NR2C2: variants seen among roughly 807,000 people sequenced by gnomAD.
NR2C2 encodes Nuclear hormone receptor TR4.
Under a neutral mutation model 62.9 loss-of-function variants are expected in NR2C2, and 6 were observed. The observed-to-expected ratio is 0.10, with a 90% CI of 0.05 to 0.19. The LOEUF (loss-of-function observed/expected upper bound fraction) is 0.19, where lower values mean the gene tolerates loss of function less well. Among genes scored for constraint, NR2C2 ranks in the 10% least tolerant of loss-of-function variants. The pLI, the probability that NR2C2 is intolerant of heterozygous loss-of-function variation, is 1.00. For synonymous variants in NR2C2, 272 were observed against 273.8 expected (o/e 0.99, Z 0.07); for missense variants, 479 against 762.7 (o/e 0.63, Z 4.38).
At chr3:15,034,923 G>A in intron 11 of NR2C2, 114 bp downstream of exon 11, 6 of 1,123,476 alleles carry the variant, frequency 5.3e-6, no homozygotes, top group Non-Finnish European at 6.2e-6. Flanking sequence ...GTTGACCCAG[G>A]CTGGCAACAT....
At chr3:15,005,608 A>G (rs903375521) in intron 2 of NR2C2, among the ~76,000 whole-genome samples, 1 of 148,506 alleles carries the variant, frequency 6.7e-6, no homozygotes, top group Non-Finnish European at 1.5e-5. Context: ...ATAGGGCACT[A>G]CAACCTCAAA....
chr3:15,001,411 T>C (rs1484616217), intron 1 of NR2C2, among the ~76,000 whole-genome samples: 3 of 144,380 alleles, frequency 2.1e-5, no homozygotes, highest in African/African-American at 7.6e-5. Context: ...CTTGGCTCAC[T>C]GCAACCTCCG....
intron 1 of NR2C2, among the ~76,000 whole-genome samples, chr3:14,981,307 A>G (rs1298718593): frequency 6.6e-6 from 1 of 152,084 alleles, no homozygotes; most frequent in Admixed American, 6.5e-5. Context: ...TCTCTATGAA[A>G]ATATTAAAAA....
chr3:14,948,308 A>C (rs1025587368), intron 1 of NR2C2: 2 of 150,940 alleles, frequency 1.3e-5, no homozygotes, highest in Non-Finnish European at 1.5e-5. Flanking sequence ...CGGGATTTTC[A>C]CCCCTCCGCT....
intron 1 of NR2C2, among the ~76,000 whole-genome samples, chr3:14,990,632 C>T (rs2040643482): frequency 6.6e-6 from 1 of 152,142 alleles, no homozygotes; most frequent in Non-Finnish European, 1.5e-5. Flanking sequence ...TCTCTTTGGC[C>T]TGGGAGGTTG....
Position 15,037,976 on chromosome 3 carries a change from AG to A in NR2C2, c.1373-22del, listed in dbSNP as rs764955768. 12 of 1,604,350 alleles carry A rather than the reference AG, an allele frequency of 7.5e-6. No homozygotes were observed. In the East Asian group the frequency reaches 2.2e-4, roughly 30 times the overall value. ...TTTATTGTTCTTACCAGCCTTTCTC[AG>A]GATCTGTGATGTTGGTTTCTAGATA... On this transcript the variant is annotated intron_variant, in intron 11 of 13. Coordinates refer to ENST00000425241, the MANE Select transcript of NR2C2 (RefSeq NM_001291694.2).
At chr3:15,013,125 G>T (rs1035963893) in intron 2 of NR2C2, among the ~76,000 whole-genome samples, 11 of 152,110 alleles carry the variant, frequency 7.2e-5, no homozygotes, top group Non-Finnish European at 8.8e-5. Context: ...GTCAGCAGGG[G>T]TCTCCCTGTA....
intron 1 of NR2C2, among the ~76,000 whole-genome samples, chr3:15,000,454 T>C (rs1166151464): frequency 1.3e-5 from 2 of 152,232 alleles, no homozygotes; most frequent in Non-Finnish European, 2.9e-5. Context: ...ACTTGGCTAT[T>C]GCAAACAGTG....
chr3:15,021,176 A>C (rs772186828), intron 5 of NR2C2, among the ~76,000 whole-genome samples: 1 of 152,078 alleles, frequency 6.6e-6, no homozygotes, highest in Non-Finnish European at 1.5e-5. Context: ...AGCTTAGTGG[A>C]GTGGGTTGAA....
chr3:15,032,863 G>T (rs1484915957), intron 10 of NR2C2, among the ~76,000 whole-genome samples: 1 of 152,156 alleles, frequency 6.6e-6, no homozygotes, highest in Non-Finnish European at 1.5e-5. Context: ...AGGTGAATGT[G>T]AATCAGCTGT....
chr3:15,023,214 C>T lies in NR2C2; in HGVS notation c.571C>T (p.Arg191Trp). 6.2e-7 allele frequency: 1 copy of T among 1,614,154 alleles called. No homozygotes were observed. Among genetic ancestry groups the T allele is most frequent in the Non-Finnish European group, 8.5e-7 (1 of 1,180,002 alleles). Residue 191 changes from arginine to tryptophan, a missense_variant, in exon 6 of 14, where the codon CGG becomes TGG. This residue lies in a region of NR2C2 where 51 missense variants were observed against 137.5 expected (regional missense o/e 0.37). Coordinates refer to ENST00000425241, the MANE Select transcript of NR2C2 (RefSeq NM_001291694.2). The part of the protein sequence containing the change: ...GMKMESVQSE[R>W]KPFDVQREKP... ...TGTGATTTAAGCTGTGCAGAGTGAA[C>T]GGAAGCCCTTCGATGTGCAACGGGA... is the stretch of plus-strand genomic sequence containing the variant.
chr3:14,996,084 G>A (rs11128728), intron 1 of NR2C2, among the ~76,000 whole-genome samples: 46,351 of 152,020 alleles, frequency 0.3, 7,710 homozygotes, highest in African/African-American at 0.41. Context: ...CTTATCAAAT[G>A]TGATTTGAGA....
intron 1 of NR2C2, among the ~76,000 whole-genome samples, chr3:14,981,318 G>A (rs1042590345): frequency 2.6e-5 from 4 of 151,958 alleles, no homozygotes; most frequent in Non-Finnish European, 4.4e-5. Context: ...ATATTAAAAA[G>A]TTAGGCCGGG....
intron 7 of NR2C2, 112 bp from the exon 8 acceptor site, chr3:15,028,474 C>A: frequency 3.1e-6 from 3 of 972,454 alleles, no homozygotes; most frequent in South Asian, 1.7e-5. Context: ...CCTTTGTAGT[C>A]ACACTTCCCT....
At chr3:15,010,129 C>T (rs1032010183) in intron 2 of NR2C2, among the ~76,000 whole-genome samples, 1 of 152,176 alleles carries the variant, frequency 6.6e-6, no homozygotes, top group Non-Finnish European at 1.5e-5. Context: ...TCCTCCACAG[C>T]CGACTTAAAT....
intron 1 of NR2C2, chr3:14,962,553 AGT>A (rs1443250727): frequency 6.6e-6 from 1 of 152,454 alleles, no homozygotes; most frequent in Non-Finnish European, 1.5e-5. Flanking sequence ...AAGAAAAATC[AGT>A]GTGCTCATTT....
chr3:14,949,130 A>G (rs1321056247), intron 1 of NR2C2, among the ~76,000 whole-genome samples: 1 of 152,202 alleles, frequency 6.6e-6, no homozygotes, highest in Non-Finnish European at 1.5e-5. Context: ...CACTGGGGAC[A>G]CATCTGGAGA....
intron 1 of NR2C2, among the ~76,000 whole-genome samples, chr3:14,975,439 T>G (rs2040175996): frequency 6.6e-6 from 1 of 152,252 alleles, no homozygotes; most frequent in African/African-American, 2.4e-5. Flanking sequence ...TATTGAATTT[T>G]GTCAAGTGCT....
intron 5 of NR2C2, among the ~76,000 whole-genome samples, chr3:15,021,249 A>AT (rs372016086): frequency 2.6e-4 from 39 of 152,302 alleles, no homozygotes; most frequent in African/African-American, 8.2e-4. Context: ...AGAGAGAGCT[A>AT]TGATGCCTGA....
Sources: allele counts gnomAD v4.1 joint callset (sites outside exome capture counted in the v4.1 genomes callset), GRCh38; gene constraint gnomAD v4.1.1; regional missense constraint gnomAD v4.1.1; transcripts MANE v1.5; gene names NCBI Gene and HGNC (gene_info 2026-07-23, HGNC 2026-07-21).